The following PCDH7 variants were observed in gnomAD, a reference collection of about 807,000 sequenced individuals.
PCDH7 encodes protocadherin 7.
A neutral mutation model predicts 58.9 loss-of-function variants in PCDH7; 17 were observed. The observed-to-expected ratio is 0.29, with a 90% confidence interval of 0.20 to 0.43. The LOEUF (loss-of-function observed/expected upper bound fraction) is 0.43, where lower values mean the gene tolerates loss of function less well. PCDH7 is among the 20% of genes least tolerant of loss of function. PCDH7 has a pLI of 1.00. For missense variants in PCDH7, 1,274 were observed against 1,441.0 expected, an observed-to-expected ratio of 0.88 and a Z score of 1.88; for synonymous variants, 664 against 616.4, an observed-to-expected ratio of 1.08 and a Z score of -1.14.
At chr4:31,037,796 G>A (rs1021183130) in intron 3 of PCDH7, among the ~76,000 whole-genome samples, 1 of 152,118 alleles carries the variant, frequency 6.6e-6, no homozygotes, top group African/African-American at 2.4e-5. Flanking sequence ...CAGCATTTGT[G>A]GTGTGGACTT....
At chr4:30,893,453 A>G (rs934090991) in intron 1 of PCDH7, among the ~76,000 whole-genome samples, 9 of 152,110 alleles carry the variant, frequency 5.9e-5, no homozygotes, top group African/African-American at 2.2e-4. Flanking sequence ...TCAGTATTCA[A>G]TATACTGCTA....
At position 31,033,643 on chromosome 4, in the gene PCDH7, G is replaced by A. The variant is rs116545419; in HGVS notation, c.*7+83428G>A. Among the ~76,000 whole-genome samples, 1,455 of 152,226 alleles carry A rather than the reference G, an allele frequency of 9.6e-3. 21 individuals carry two copies. The highest frequency in any genetic ancestry group is 0.034 in the African/African-American group (1,397 of 41,532). On this transcript the variant is annotated intron_variant, in intron 3 of 3. Transcript: ENST00000509759. The stretch of plus-strand genomic sequence containing the variant: ...ACATGGCCCCTTACTTGCATAGACA[G>A]TTTAATCATTACAGGCATTACCCGA...
chr4:30,913,072 A>G (rs1274273049), intron 1 of PCDH7, among the ~76,000 whole-genome samples: 2 of 151,110 alleles, frequency 1.3e-5, no homozygotes, highest in Non-Finnish European at 3.0e-5. Context: ...CTTGGAAACT[A>G]TACAGGAACT....
At chr4:31,021,674 G>A (rs755352559) in intron 3 of PCDH7, among the ~76,000 whole-genome samples, 28 of 152,126 alleles carry the variant, frequency 1.8e-4, no homozygotes, top group Non-Finnish European at 2.8e-4. Context: ...ATAAGGAAAA[G>A]GAAGTGCAGC....
intron 1 of PCDH7, among the ~76,000 whole-genome samples, chr4:30,801,726 A>T (rs548917374): frequency 6.6e-6 from 1 of 152,360 alleles, no homozygotes; most frequent in Non-Finnish European, 1.5e-5. Context: ...ATACTGGAGG[A>T]TGAAGAAACA....
intron 1 of PCDH7, among the ~76,000 whole-genome samples, chr4:30,856,711 T>A (rs1355055718): frequency 6.7e-6 from 1 of 148,980 alleles, no homozygotes; most frequent in African/African-American, 2.5e-5. Context: ...AAAAAAAATA[T>A]ATATATATAT....
intron 1 of PCDH7, among the ~76,000 whole-genome samples, chr4:30,812,986 T>G (rs1172682283): frequency 1.3e-5 from 2 of 152,146 alleles, no homozygotes; most frequent in East Asian, 3.9e-4. Flanking sequence ...TGTTAACACA[T>G]CTAGGGAGAT....
chr4:30,737,701 G>A (rs929490616), downstream of PCDH7, among the ~76,000 whole-genome samples: 2 of 152,200 alleles, frequency 1.3e-5, no homozygotes, highest in African/African-American at 4.8e-5. Context: ...GGTATTGTGA[G>A]AATGACTTTC....
At chr4:30,946,299 TC>T (rs1746667535) in intron 2 of PCDH7, among the ~76,000 whole-genome samples, 3 of 152,090 alleles carry the variant, frequency 2.0e-5, no homozygotes, top group Admixed American at 1.3e-4. Flanking sequence ...AGAACAGGGG[TC>T]CCACTGCCTA....
intron 2 of PCDH7, among the ~76,000 whole-genome samples, chr4:30,928,126 C>G (rs1744124177): frequency 6.6e-6 from 1 of 152,222 alleles, no homozygotes; most frequent in African/African-American, 2.4e-5. Flanking sequence ...CAGTCATGCA[C>G]CTGTTCAAGG....
intron 1 of PCDH7, among the ~76,000 whole-genome samples, chr4:30,832,633 C>A (rs1729945818): frequency 6.6e-6 from 1 of 152,104 alleles, no homozygotes; most frequent in Non-Finnish European, 1.5e-5. Flanking sequence ...TGTGTTTGTG[C>A]ATGCACTTGT....
At chr4:31,090,971 A>G (rs1396256493) in intron 3 of PCDH7, among the ~76,000 whole-genome samples, 2 of 152,072 alleles carry the variant, frequency 1.3e-5, no homozygotes, top group South Asian at 2.1e-4. Flanking sequence ...TTTATGAAAA[A>G]CACTTGATGA....
chr4:31,009,168 TTTTA>T (rs1276923935), intron 3 of PCDH7, among the ~76,000 whole-genome samples: 9 of 152,096 alleles, frequency 5.9e-5, no homozygotes, highest in Admixed American at 5.9e-4. Context: ...TTGTGTAATG[TTTTA>T]TTTATTGTAA....
chr4:31,089,395 A>C (rs1442960789), intron 3 of PCDH7, among the ~76,000 whole-genome samples: 2 of 152,056 alleles, frequency 1.3e-5, no homozygotes, highest in East Asian at 3.8e-4. Flanking sequence ...TACTTTACCA[A>C]AATATAAAAT....
At chr4:30,899,355 A>G (rs1739892123) in intron 1 of PCDH7, among the ~76,000 whole-genome samples, 1 of 152,110 alleles carries the variant, frequency 6.6e-6, no homozygotes, top group Non-Finnish European at 1.5e-5. Flanking sequence ...TGACATGAAT[A>G]TTTTGTGTAT....
intron 1 of PCDH7, among the ~76,000 whole-genome samples, chr4:30,797,986 C>T (rs1275589181): frequency 6.6e-6 from 1 of 152,132 alleles, no homozygotes; most frequent in East Asian, 1.9e-4. Context: ...TAGAGCTTCG[C>T]GTTCTTTTGT....
chr4:30,887,843 G>C (rs2109379140), intron 1 of PCDH7, among the ~76,000 whole-genome samples: 1 of 151,468 alleles, frequency 6.6e-6, no homozygotes, highest in African/African-American at 2.4e-5. Context: ...GCCAAGTATG[G>C]TCATAGCCCA....
intron 3 of PCDH7, among the ~76,000 whole-genome samples, chr4:30,985,344 T>C (rs537989861): frequency 5.3e-5 from 8 of 152,200 alleles, no homozygotes; most frequent in African/African-American, 1.9e-4. Context: ...ATATTTTGGT[T>C]CCTTTTCGGG....
intron 3 of PCDH7, among the ~76,000 whole-genome samples, chr4:31,020,219 A>G (rs1203678570): frequency 2.0e-5 from 3 of 152,228 alleles, no homozygotes; most frequent in African/African-American, 7.2e-5. Flanking sequence ...AAATCCCAAC[A>G]CAGGTCAGAA....
Sources: gnomAD v4.1 joint callset for allele counts (sites outside exome capture counted in the v4.1 genomes callset) on GRCh38, gnomAD v4.1.1 for gene constraint, MANE v1.5 for transcripts, NCBI Gene and HGNC (gene_info 2026-07-23, HGNC 2026-07-21) for gene names.